LRRC1: variants seen among roughly 807,000 people sequenced by gnomAD.
The protein encoded by LRRC1 is leucine-rich repeat-containing protein 1.
In LRRC1, 28 loss-of-function variants were observed where a neutral mutation model predicts 69.9. The observed-to-expected ratio is 0.40, with a 90% confidence interval of 0.30 to 0.55. The LOEUF is 0.55. Ranked by LOEUF, LRRC1 falls within the 20% of genes least tolerant of loss-of-function variation. The pLI is 0.47. For synonymous variants in LRRC1, 236 were observed against 240.2 expected, an observed-to-expected ratio of 0.98 and a Z score of 0.16; for missense variants, 498 against 609.0, an observed-to-expected ratio of 0.82 and a Z score of 1.92.
chr6:53,923,767 A>C lies in LRRC1; in HGVS notation c.*974A>C, dbSNP rs1417920763. ...CAGACATTCAGTGGGCAAGTAAATT[A>C]TGGACTGCAAAATAATGATTTTTAT... is the stretch of plus-strand genomic sequence containing the variant. On this transcript the variant is annotated 3_prime_UTR_variant, in exon 14 of 14. Transcript: ENST00000370888. 1.3e-5 allele frequency: 2 copies of C among 152,662 alleles called. No individual in the cohort carries two copies. The highest frequency in any genetic ancestry group is 2.9e-5 in the Non-Finnish European group (2 of 68,052). The allele number at this position is 152,662 out of a possible 1,614,324, so 9.5% of individuals were successfully genotyped here.
Position 53,899,832 on chromosome 6 carries a change from C to T in LRRC1, c.728C>T (p.Thr243Ile). The T allele has an allele frequency of 6.2e-7, 1 of 1,613,942 alleles. No homozygotes were observed. Among genetic ancestry groups the T allele is most frequent in the Non-Finnish European group, 8.5e-7 (1 of 1,179,836 alleles). The change falls in exon 8 of 14, where the codon ACT (threonine) becomes ATT (isoleucine). Residue 243 changes from threonine to isoleucine, a missense_variant. By Grantham distance (89) the Thr-to-Ile change is moderately conservative. Transcript: ENST00000370888. The stretch of plus-strand genomic sequence containing the variant: ...CTTCCTGAAGAAATCAGTGGCCTGA[C>T]TTCATTAACGGATTTAGTCATTTCC... ...ERLPEEISGL[T>I]SLTDLVISQN... is the part of the protein sequence containing the mutation.
intron 2 of LRRC1, among the ~76,000 whole-genome samples, chr6:53,852,426 C>T (rs964475715): frequency 2.0e-5 from 3 of 152,148 alleles, no homozygotes; most frequent in African/African-American, 7.2e-5. Context: ...GGTTTCGGCT[C>T]AAGACAACTT....
At chr6:53,817,661 A>AT (rs1432317341) in intron 1 of LRRC1, among the ~76,000 whole-genome samples, 1 of 152,138 alleles carries the variant, frequency 6.6e-6, no homozygotes, top group Non-Finnish European at 1.5e-5. Context: ...AGTAACCACC[A>AT]TTTTACCCTC....
At chr6:53,841,757 T>C (rs970688628) in intron 1 of LRRC1, among the ~76,000 whole-genome samples, 1 of 152,208 alleles carries the variant, frequency 6.6e-6, no homozygotes, top group Admixed American at 6.5e-5. Flanking sequence ...CATTTTTACA[T>C]GTCTTTAGCA....
At chr6:53,827,671 G>A (rs953708653) in intron 1 of LRRC1, among the ~76,000 whole-genome samples, 2 of 152,158 alleles carry the variant, frequency 1.3e-5, no homozygotes, top group African/African-American at 4.8e-5. Flanking sequence ...TGTGGGAAAT[G>A]GAGTCAGAAA....
In LRRC1 at chr6:53,881,811, G is replaced by A. The variant is rs567746750; in HGVS notation, c.357-1076G>A. On this transcript the variant is annotated intron_variant, in intron 3 of 13. Coordinates refer to ENST00000370888, the MANE Select transcript of LRRC1 (RefSeq NM_018214.5). The stretch of plus-strand genomic sequence containing the variant: ...GCAGATTTATGTTTAATAACCTTCA[G>A]CATTTTAGATGCAATGAGATCCTTT... Among the ~76,000 whole-genome samples, 12 of 152,264 alleles carry A rather than the reference G, an allele frequency of 7.9e-5. 1 individual carries two copies. In the South Asian group the frequency reaches 2.5e-3, roughly 32 times the overall value.
chr6:53,921,703 C>T (rs551617143), intron 13 of LRRC1, among the ~76,000 whole-genome samples: 4 of 152,156 alleles, frequency 2.6e-5, no homozygotes, highest in Admixed American at 2.6e-4. Context: ...TTAAGCAGAG[C>T]TTAGAGGGAG....
intron 1 of LRRC1, among the ~76,000 whole-genome samples, chr6:53,807,256 G>A (rs1465926267): frequency 2.6e-5 from 4 of 152,078 alleles, no homozygotes; most frequent in Non-Finnish European, 5.9e-5. Flanking sequence ...GGTCTCTGCC[G>A]GATCCTGACA....
At chr6:53,797,758 G>A (rs1170963677) in intron 1 of LRRC1, among the ~76,000 whole-genome samples, 1 of 152,174 alleles carries the variant, frequency 6.6e-6, no homozygotes, top group African/African-American at 2.4e-5. Flanking sequence ...TCCACTGAAA[G>A]GCCTGCAACT....
At chr6:53,856,031 C>T (rs1766297933) in intron 2 of LRRC1, among the ~76,000 whole-genome samples, 1 of 152,176 alleles carries the variant, frequency 6.6e-6, no homozygotes, top group South Asian at 2.1e-4. Flanking sequence ...ATCTCCAAAA[C>T]CCTTCTTTAC....
At chr6:53,863,715 C>T (rs1302726931) in intron 2 of LRRC1, among the ~76,000 whole-genome samples, 2 of 152,264 alleles carry the variant, frequency 1.3e-5, no homozygotes, top group South Asian at 4.1e-4. Context: ...TACTCTACCC[C>T]ATGTTCTCAG....
chr6:53,900,348 T>G (rs891151198), intron 8 of LRRC1, among the ~76,000 whole-genome samples: 4 of 152,148 alleles, frequency 2.6e-5, no homozygotes, highest in Admixed American at 2.6e-4. Flanking sequence ...TGCTGTTTGT[T>G]TTTAAAGAAG....
At chr6:53,844,494 T>C (rs1765879871) in intron 2 of LRRC1, among the ~76,000 whole-genome samples, 1 of 152,202 alleles carries the variant, frequency 6.6e-6, no homozygotes, top group Non-Finnish European at 1.5e-5. Context: ...ACATCAGCTC[T>C]TTTCAAACAT....
At chr6:53,803,431 G>C (rs974891503) in intron 1 of LRRC1, among the ~76,000 whole-genome samples, 1 of 152,132 alleles carries the variant, frequency 6.6e-6, no homozygotes, top group East Asian at 1.9e-4. Flanking sequence ...TAGTTCTGAG[G>C]GGTGATGAGA....
intron 2 of LRRC1, among the ~76,000 whole-genome samples, chr6:53,852,199 C>T (rs1325549310): frequency 6.6e-6 from 1 of 152,182 alleles, no homozygotes; most frequent in Non-Finnish European, 1.5e-5. Context: ...AATACCTCCA[C>T]TAAATTAGAA....
chr6:53,876,503 A>G (rs1361114505), intron 2 of LRRC1, among the ~76,000 whole-genome samples: 1 of 152,204 alleles, frequency 6.6e-6, no homozygotes, highest in Non-Finnish European at 1.5e-5. Context: ...AATCTTATCC[A>G]AGACAAGGCA....
intron 1 of LRRC1, among the ~76,000 whole-genome samples, chr6:53,835,408 A>G (rs913896268): frequency 2.6e-5 from 4 of 152,224 alleles, no homozygotes; most frequent in Admixed American, 6.5e-5. Flanking sequence ...TTATCATTTA[A>G]TGCTATTTTT....
At chr6:53,876,903 A>G (rs566947996) in intron 2 of LRRC1, among the ~76,000 whole-genome samples, 1 of 152,168 alleles carries the variant, frequency 6.6e-6, no homozygotes, top group Non-Finnish European at 1.5e-5. Context: ...GGGTCTGGAG[A>G]ATAACGGCCC....
chr6:53,882,754 A>G (rs567250246), intron 3 of LRRC1, 133 bp from the exon 4 acceptor site: 71 of 575,960 alleles, frequency 1.2e-4, no homozygotes, highest in Admixed American at 7.8e-4. Flanking sequence ...CAAGGCAAAC[A>G]TGCCATATAT....
Sources: gnomAD v4.1 joint callset for allele counts (sites outside exome capture counted in the v4.1 genomes callset) on GRCh38, gnomAD v4.1.1 for gene constraint, MANE v1.5 for transcripts, NCBI Gene and HGNC (gene_info 2026-07-23, HGNC 2026-07-21) for gene names.